Variants in CHD3 observed in about 807,000 individuals in gnomAD.
CHD3 encodes the protein chromodomain helicase DNA binding protein 3, also known as ATP-dependent chromatin remodeler CHD3.
Under a neutral mutation model 248.9 loss-of-function variants are expected in CHD3, and 52 were observed. The ratio of observed to expected loss-of-function variants is 0.21; its 90% confidence interval spans 0.17 to 0.26. The LOEUF is 0.26. Ranked by LOEUF, CHD3 falls within the 10% of genes least tolerant of loss-of-function variation. CHD3 has a pLI of 1.00. For missense variants in CHD3, 1,482 were observed against 2,605.8 expected, an observed-to-expected ratio of 0.57 and a Z score of 9.39; for synonymous variants, 985 against 985.2, an observed-to-expected ratio of 1.00 and a Z score of 0.00.
chr17:7,885,001 C>G, upstream of CHD3: 2 of 1,243,996 alleles, frequency 1.6e-6, no homozygotes. Context: ...GCGACCGCCA[C>G]AGCCCCCCCG....
Position 7,888,948 on chromosome 17 carries a change from G to A in CHD3, c.-53G>A. 2 of 1,613,048 alleles carry A rather than the reference G, an allele frequency of 1.2e-6. No individual in the cohort carries two copies. The highest frequency in any genetic ancestry group is 2.2e-5 in the South Asian group (2 of 90,950). ...GGAATAGAATTGAAGGTAGGTTTTA[G>A]GCTACTTGGGAGGAGGAATATTTAG... On this transcript the variant is annotated 5_prime_UTR_variant, in exon 1 of 40. An upstream open reading frame in the 5' UTR loses its in-frame stop. Coordinates refer to ENST00000330494, the MANE Select transcript of CHD3 (RefSeq NM_001005273.3).
At chr17:7,896,762 G>A (rs1969726997) in intron 10 of CHD3, among the ~76,000 whole-genome samples, 1 of 151,912 alleles carries the variant, frequency 6.6e-6, no homozygotes, top group Non-Finnish European at 1.5e-5. Flanking sequence ...GCATTCAAGC[G>A]ATTCTCCTGC....
intron 21 of CHD3, 43 bp from the exon 22 acceptor site, chr17:7,902,894 C>G (rs1173456833): frequency 4.3e-6 from 7 of 1,610,336 alleles, no homozygotes; most frequent in Non-Finnish European, 5.9e-6. Flanking sequence ...GTGGACAGAA[C>G]TACCGGGTAC....
Position 7,895,256 on chromosome 17 carries a change from T to C in CHD3, c.1504-83T>C, listed in dbSNP as rs1969479579. The C allele has an allele frequency of 6.3e-7, 1 of 1,575,928 alleles. No homozygotes were observed. The highest frequency in any genetic ancestry group is 1.3e-5 in the African/African-American group (1 of 74,220). On this transcript the variant is annotated intron_variant, in intron 9 of 39. Coordinates refer to ENST00000330494, the MANE Select transcript of CHD3 (RefSeq NM_001005273.3). The surrounding 1 kb of genome is among the most constrained non-coding windows in gnomAD (Gnocchi z 4.9). ...TTCATTTCTCTGCACTCCCCCACCCTTGTGGGACCCCTATCTTCTCATCTA... is the reference window on the plus strand; with the variant it reads ...TTCATTTCTCTGCACTCCCCCACCCCTGTGGGACCCCTATCTTCTCATCTA...
Position 7,897,983 on chromosome 17 carries a change from G to T in CHD3, c.1932G>T (p.Lys644Asn). 1 of 1,613,780 alleles carries T rather than the reference G, an allele frequency of 6.2e-7. No homozygotes were observed. The highest frequency in any genetic ancestry group is 8.5e-7 in the Non-Finnish European group (1 of 1,179,856). The part of the protein sequence containing the change: ...HRIINHSVDK[K>N]GNYHYLVKWR... The stretch of plus-strand genomic sequence containing the variant: ...TCCTGCCCCACAGTGTGGATAAAAA[G>T]GGGAATTACCACTATCTAGTAAAAT... The change falls in exon 12 of 40, where the codon AAG becomes AAT. Residue 644 changes from lysine to asparagine, a missense_variant. By Grantham distance (94) the Lys-to-Asn change is moderately conservative. This residue lies in a region of CHD3 where 127 missense variants were observed against 188.3 expected (regional missense o/e 0.67). Coordinates refer to ENST00000330494, the MANE Select transcript of CHD3 (RefSeq NM_001005273.3). This position sits in a 1 kb window ranked among gnomAD's most constrained non-coding sequence, Gnocchi z 4.8.
At chr17:7,896,080 T>C (rs1426091548) in intron 10 of CHD3, among the ~76,000 whole-genome samples, 2 of 151,660 alleles carry the variant, frequency 1.3e-5, no homozygotes, top group Admixed American at 6.6e-5. Context: ...ACAAAAAAAT[T>C]AGCTGGGCGT....
upstream of CHD3, among the ~76,000 whole-genome samples, chr17:7,887,987 TG>T (rs1265044402): frequency 5.3e-5 from 8 of 152,336 alleles, no homozygotes; most frequent in South Asian, 1.7e-3. Context: ...GCACCACCCC[TG>T]GCTGGTGGTG....
In CHD3 at chr17:7,897,238, C is replaced by T; in HGVS notation, c.1863C>T (p.Tyr621=). The T allele has an allele frequency of 6.2e-7, 1 of 1,614,138 alleles. No individual in the cohort carries two copies. Among genetic ancestry groups the T allele is most frequent in the Non-Finnish European group, 8.5e-7 (1 of 1,180,028 alleles). The change falls in exon 11 of 40, where the codon TAC becomes TAT. Residue 621 remains tyrosine, a synonymous_variant. Coordinates refer to ENST00000330494, the MANE Select transcript of CHD3 (RefSeq NM_001005273.3). This position sits in a 1 kb window ranked among gnomAD's most constrained non-coding sequence, Gnocchi z 4.8. The part of the protein sequence containing the change: ...DPHYAEMEEK[Y]YRFGIKPEWM... ...ACTATGCTGAGATGGAGGAGAAGTA[C>T]TATCGTTTTGGCATCAAGCCAGAGT... is the stretch of plus-strand genomic sequence containing the variant.
rs1455559781 is a variant in CHD3 at position 7,912,484 on chromosome 17, G to GGACCTAGTCAGGGTCTTGGGAGC, written c.*900_*922dup. 5.3e-5 allele frequency: 8 copies of GGACCTAGTCAGGGTCTTGGGAGC among 152,272 alleles called. No individual in the cohort carries two copies. Among genetic ancestry groups the GGACCTAGTCAGGGTCTTGGGAGC allele is most frequent in the Admixed American group, 5.2e-4 (8 of 15,308 alleles). The allele number at this position is 152,272 out of a possible 1,614,324, so 9.4% of individuals were successfully genotyped here. A position where few individuals can be genotyped will look rare whatever the true frequency, so the allele number is the denominator to read the frequency against. ...ACTAAATTTGTATAAGTCAGGCAGG[G>GGACCTAGTCAGGGTCTTGGGAGC]GACCTAGTCAGGGTCTTGGGAGCTA... On this transcript the variant is annotated 3_prime_UTR_variant, in exon 40 of 40. Coordinates refer to ENST00000330494, the MANE Select transcript of CHD3 (RefSeq NM_001005273.3).
chr17:7,905,733 G>A lies in CHD3; in HGVS notation c.4224+27G>A. ...TGAGAGCTGGGCCCAGTGTTCCTGAGTTCTCCAAGAGGGCATGAGGGCAGG... is the reference window on the plus strand; with the variant it reads ...TGAGAGCTGGGCCCAGTGTTCCTGAATTCTCCAAGAGGGCATGAGGGCAGG... On this transcript the variant is annotated intron_variant, in intron 27 of 39. Coordinates refer to ENST00000330494, the MANE Select transcript of CHD3 (RefSeq NM_001005273.3). The surrounding 1 kb of genome is among the most constrained non-coding windows in gnomAD (Gnocchi z 5.8). 6.2e-7 allele frequency: 1 copy of A among 1,613,054 alleles called. No individual in the cohort carries two copies. Among genetic ancestry groups the A allele is most frequent in the Non-Finnish European group, 8.5e-7 (1 of 1,179,224 alleles).
chr17:7,901,344 A>G lies in CHD3; in HGVS notation c.3221A>G (p.Glu1074Gly), dbSNP rs1392064473. The change falls in exon 20 of 40, where the codon GAG becomes GGG. Residue 1074 changes from glutamate to glycine, a missense_variant. Physicochemically the swap from Glu to Gly is moderately conservative, Grantham distance 98. Coordinates refer to ENST00000330494, the MANE Select transcript of CHD3 (RefSeq NM_001005273.3). ...CAGAAGATGCTGCGAAAGCTGAAGG[A>G]GCAAGGACACCGAGTGCTCATCTTC... is the stretch of plus-strand genomic sequence containing the variant. ...LLQKMLRKLKEQGHRVLIFSQ... is the reference protein window; with the variant it reads ...LLQKMLRKLKGQGHRVLIFSQ... The G allele has an allele frequency of 1.8e-5, 29 of 1,613,300 alleles. No homozygotes were observed. The highest frequency in any genetic ancestry group is 2.1e-5 in the Non-Finnish European group (25 of 1,179,616).
rs1970653540 is a variant in CHD3 at position 7,904,286 on chromosome 17, A to G, written c.3895-156A>G. On this transcript the variant is annotated intron_variant, in intron 24 of 39. Transcript: ENST00000330494. This position sits in a 1 kb window ranked among gnomAD's most constrained non-coding sequence, Gnocchi z 4.4. ...ACATTGCAGGTAAGAGATGGCATGGAACATGCGCAATGTCCAGAAAATGTA... is the reference window on the plus strand; with the variant it reads ...ACATTGCAGGTAAGAGATGGCATGGGACATGCGCAATGTCCAGAAAATGTA... 1 of 679,706 alleles carries G rather than the reference A, an allele frequency of 1.5e-6. No individual in the cohort carries two copies. The highest frequency in any genetic ancestry group is 2.5e-6 in the Non-Finnish European group (1 of 395,646). 42.1% of individuals were successfully genotyped at this position (679,706 alleles called of 1,614,324 possible). A position where few individuals can be genotyped will look rare whatever the true frequency, so the allele number is the denominator to read the frequency against.
rs182376587 is a variant in CHD3, at chr17:7,889,472, C to T, written c.101-192C>T. ...GCTCTTCTCTTCTGACCCCTGACCT[C>T]CCATTCAGAACCAGAGCATCCCAGA... On this transcript the variant is annotated intron_variant, in intron 1 of 39. Transcript: ENST00000330494. The surrounding 1 kb of genome is among the most constrained non-coding windows in gnomAD (Gnocchi z 4.5). Among the ~76,000 whole-genome samples the T allele has an allele frequency of 2.0e-3, 302 of 152,318 alleles. No homozygotes were observed. Among genetic ancestry groups the T allele is most frequent in the African/African-American group, 6.7e-3 (279 of 41,578 alleles).
chr17:7,891,358 C>A lies in CHD3; in HGVS notation c.509+294C>A, dbSNP rs187985833. Among the ~76,000 whole-genome samples the A allele has an allele frequency of 1.6e-3, 244 of 152,222 alleles. 1 individual carries two copies. Among genetic ancestry groups the A allele is most frequent in the Non-Finnish European group, 2.9e-3 (197 of 68,008 alleles). On this transcript the variant is annotated intron_variant, in intron 4 of 39. Transcript: ENST00000330494. The stretch of plus-strand genomic sequence containing the variant: ...TGAGGACAGAATATAGTGAGCCCTC[C>A]CCTGCCCCAACAGCTCCATCTTCTG...
In CHD3 at chr17:7,908,865, G is replaced by A. The variant is rs147787289; in HGVS notation, c.5394+36G>A. 7 of 1,613,626 alleles carry A rather than the reference G, an allele frequency of 4.3e-6. No homozygotes were observed. The highest frequency in any genetic ancestry group is 1.3e-5 in the African/African-American group (1 of 75,038). On this transcript the variant is annotated intron_variant, in intron 36 of 39. Transcript: ENST00000330494. The surrounding 1 kb of genome is among the most constrained non-coding windows in gnomAD (Gnocchi z 5.8). ...GGGAGGAAAGGAGCGGGTTATAGAC[G>A]GGCTTGGGTCAGAAGTGAGACCAGA...
chr17:7,910,311 C>T lies in CHD3; in HGVS notation c.5591-117C>T. The T allele has an allele frequency of 8.0e-7, 1 of 1,255,134 alleles. No individual in the cohort carries two copies. Among genetic ancestry groups the T allele is most frequent in the Non-Finnish European group, 1.2e-6 (1 of 858,724 alleles). 77.7% of individuals were successfully genotyped at this position (1,255,134 alleles called of 1,614,324 possible). On this transcript the variant is annotated intron_variant, in intron 37 of 39. Transcript: ENST00000330494. This position sits in a 1 kb window ranked among gnomAD's most constrained non-coding sequence, Gnocchi z 4.7. ...TCTGGTTCTTTGACATCTGTGTTCT[C>T]CTCTCTCGCTCTTTTTCTGCCTGTA... is the stretch of plus-strand genomic sequence containing the variant.
rs2151661959 is a variant in CHD3 at position 7,908,818 on chromosome 17, C to T, written c.5383C>T (p.Arg1795Trp). 1 of 1,614,024 alleles carries T rather than the reference C, an allele frequency of 6.2e-7. No homozygotes were observed. The highest frequency in any genetic ancestry group is 8.5e-7 in the Non-Finnish European group (1 of 1,179,998). The change falls in exon 36 of 40, where the codon CGG becomes TGG. Residue 1795 changes from arginine to tryptophan, a missense_variant. Arg to Trp is a moderately radical substitution (Grantham distance 101). Coordinates refer to ENST00000330494, the MANE Select transcript of CHD3 (RefSeq NM_001005273.3). This position sits in a 1 kb window ranked among gnomAD's most constrained non-coding sequence, Gnocchi z 5.8. ...FLEMKNKFLARRFKLLEQALV... is the reference protein window; with the variant it reads ...FLEMKNKFLAWRFKLLEQALV... ...GGAGATGAAAAATAAGTTCCTGGCC[C>T]GGAGGTTCAAGGTGGGAATGAGGGA...
chr17:7,907,157 C>G lies in CHD3; in HGVS notation c.4698C>G (p.Gly1566=). The G allele has an allele frequency of 6.2e-7, 1 of 1,614,184 alleles. No homozygotes were observed. The highest frequency in any genetic ancestry group is 8.5e-7 in the Non-Finnish European group (1 of 1,180,026). ...CAGCTCCAAGTGAGAAAGGAGAAGG[C>G]ATAAGGACACCTCTTGAGAAGGAGG... ...ATPAPSEKGE[G]IRTPLEKEEA... The change falls in exon 31 of 40, where the codon GGC becomes GGG. Residue 1566 remains glycine (G), a synonymous_variant. Coordinates refer to ENST00000330494, the MANE Select transcript of CHD3 (RefSeq NM_001005273.3). This position sits in a 1 kb window ranked among gnomAD's most constrained non-coding sequence, Gnocchi z 4.3.
At position 7,890,927 on chromosome 17, in the gene CHD3, C is replaced by T. The variant is rs1968760539; in HGVS notation, c.385-13C>T. The stretch of plus-strand genomic sequence containing the variant: ...GGAGGAGCACCTACTTCACCAAAGC[C>T]CCTCTCCCGCAGCAAGTGGAACAGA... On this transcript the variant is annotated splice_polypyrimidine_tract_variant and intron_variant, in intron 3 of 39. Coordinates refer to ENST00000330494, the MANE Select transcript of CHD3 (RefSeq NM_001005273.3). 2 of 1,613,726 alleles carry T rather than the reference C, an allele frequency of 1.2e-6. No individual in the cohort carries two copies. The highest frequency in any genetic ancestry group is 1.7e-5 in the Admixed American group (1 of 59,976).
Sources: gnomAD v4.1 joint callset for allele counts (sites outside exome capture counted in the v4.1 genomes callset) on GRCh38, gnomAD v4.1.1 for gene constraint, gnomAD v4.1.1 regional missense constraint, Gnocchi (gnomAD v3.1) non-coding constraint, MANE v1.5 for transcripts, NCBI Gene and HGNC (gene_info 2026-07-23, HGNC 2026-07-21) for gene names.